The following VRK2 variants were observed in gnomAD, a reference collection of about 807,000 sequenced individuals.
The protein encoded by VRK2 is serine/threonine-protein kinase VRK2.
A neutral mutation model predicts 57.6 loss-of-function variants in VRK2; 60 were observed. The observed-to-expected ratio is 1.04, with a 90% confidence interval of 0.85 to 1.29. The LOEUF is 1.29. Ranked by LOEUF, VRK2 falls within the 50% of genes most tolerant of loss-of-function variation. VRK2 has a pLI of 0.00. For synonymous variants in VRK2, 231 were observed against 199.2 expected (o/e 1.16, Z -1.35); for missense variants, 705 against 588.1 (o/e 1.20, Z -2.06).
intron 1 of VRK2, among the ~76,000 whole-genome samples, chr2:57,932,496 G>A (rs564867357): frequency 5.3e-5 from 8 of 152,106 alleles, no homozygotes; most frequent in South Asian, 2.1e-4. Flanking sequence ...ATAATCATGC[G>A]AAGGAGTTTC....
chr2:58,112,694 G>A (rs1386344738), intron 7 of VRK2, among the ~76,000 whole-genome samples: 1 of 152,176 alleles, frequency 6.6e-6, no homozygotes, highest in African/African-American at 2.4e-5. Flanking sequence ...ATGGAAGAGG[G>A]AAGTGGGGAA....
chr2:58,159,348 G>A lies in VRK2; in HGVS notation c.1183-1G>A, dbSNP rs1276164451. The A allele has an allele frequency of 1.3e-6, 2 of 1,590,854 alleles. No homozygotes were observed. Among genetic ancestry groups the A allele is most frequent in the Non-Finnish European group, 1.7e-6 (2 of 1,172,048 alleles). On this transcript the variant is annotated splice_acceptor_variant, in intron 12 of 12. Transcript: ENST00000340157. LOFTEE classifies it high-confidence loss of function. ...AAACTATATATGTATTTTTTCCATA[G>A]GAAAGCACAAGGAGAAGACAGAAAT...
chr2:58,137,892 A>C (rs776219163), intron 10 of VRK2, among the ~76,000 whole-genome samples: 27 of 152,188 alleles, frequency 1.8e-4, no homozygotes, highest in Non-Finnish European at 2.5e-4. Flanking sequence ...CTAACATTTA[A>C]ACCAGTATTA....
At position 57,958,608 on chromosome 2, in the gene VRK2, GTTTA is replaced by G. The variant is rs539277190; in HGVS notation, c.-439+50773_-439+50776del. 6.3e-4 allele frequency among the ~76,000 whole-genome samples: 95 copies of G among 151,916 alleles called. 1 individual carries two copies. Among genetic ancestry groups the G allele is most frequent in the Admixed American group, 3.7e-3 (56 of 15,242 alleles). ...ATTTTTATTTTTCCCTCATTTTGAT[GTTTA>G]TTTGATATTTGAGTACATTAAATTT... is the stretch of plus-strand genomic sequence containing the variant. On this transcript the variant is annotated intron_variant, in intron 1 of 15. Transcript: ENST00000417641.
At position 58,159,649 on chromosome 2, in the gene VRK2, C is replaced by A; in HGVS notation, c.1483C>A (p.Pro495Thr). 1 of 1,613,646 alleles carries A rather than the reference C, an allele frequency of 6.2e-7. No individual in the cohort carries two copies. The highest frequency in any genetic ancestry group is 1.1e-5 in the South Asian group (1 of 91,044). The change falls in exon 13 of 13, where the codon CCT becomes ACT. Residue 495 changes from proline to threonine, a missense_variant. By Grantham distance (38) the Pro-to-Thr change is conservative. Coordinates refer to ENST00000340157, the MANE Select transcript of VRK2 (RefSeq NM_006296.7). ...TGTTTATTATTATCGCATCATCATA[C>A]CTGTCCTTTTGATGTTAGTATTTCT... ...ADVYYYRIII[P>T]VLLMLVFLAL...
At chr2:58,020,609 C>T (rs980680384) in intron 1 of VRK2, among the ~76,000 whole-genome samples, 2 of 152,216 alleles carry the variant, frequency 1.3e-5, no homozygotes, top group East Asian at 3.8e-4. Context: ...TGTACATAAA[C>T]ATTTGCATGT....
chr2:58,027,167 T>G (rs1292468767), intron 2 of VRK2, among the ~76,000 whole-genome samples: 1 of 152,052 alleles, frequency 6.6e-6, no homozygotes, highest in African/African-American at 2.4e-5. Flanking sequence ...TTCCTAATAA[T>G]CTAGTGTTCC....
chr2:57,946,982 A>C (rs1671281655), intron 1 of VRK2, among the ~76,000 whole-genome samples: 1 of 152,280 alleles, frequency 6.6e-6, no homozygotes. Context: ...TGCCAAAAAA[A>C]ATTTTTTGTC....
At chr2:57,909,129 C>G (rs1400505509) in intron 1 of VRK2, among the ~76,000 whole-genome samples, 2 of 152,156 alleles carry the variant, frequency 1.3e-5, no homozygotes, top group African/African-American at 4.8e-5. Flanking sequence ...TTTGGAGCTT[C>G]CTGATTCTCA....
At chr2:58,062,253 T>G (rs189667063) in intron 2 of VRK2, among the ~76,000 whole-genome samples, 2 of 152,150 alleles carry the variant, frequency 1.3e-5, no homozygotes, top group Admixed American at 6.6e-5. Flanking sequence ...TTGGTAAATG[T>G]AGCACATGGC....
chr2:58,002,966 A>C (rs181342213), intron 1 of VRK2, among the ~76,000 whole-genome samples: 2 of 152,356 alleles, frequency 1.3e-5, no homozygotes, highest in Admixed American at 1.3e-4. Context: ...CATGCCACTT[A>C]TATACAATAG....
intron 1 of VRK2, among the ~76,000 whole-genome samples, chr2:57,958,412 T>C (rs548259847): frequency 1.3e-5 from 2 of 149,222 alleles, no homozygotes; most frequent in Non-Finnish European, 3.0e-5. Context: ...TGTGTGTATG[T>C]GTGTGTGTGT....
intron 1 of VRK2, among the ~76,000 whole-genome samples, chr2:57,987,713 G>T (rs1170053005): frequency 6.6e-6 from 1 of 151,894 alleles, no homozygotes; most frequent in Non-Finnish European, 1.5e-5. Flanking sequence ...AATATTTGTA[G>T]TATATTTATT....
intron 1 of VRK2, among the ~76,000 whole-genome samples, chr2:57,968,659 A>G (rs919550228): frequency 6.6e-6 from 1 of 152,120 alleles, no homozygotes; most frequent in Non-Finnish European, 1.5e-5. Context: ...TTTTTCACAC[A>G]CGGAAAAATA....
chr2:57,992,955 A>T (rs148472113), intron 1 of VRK2, among the ~76,000 whole-genome samples: 1 of 152,156 alleles, frequency 6.6e-6, no homozygotes, highest in Non-Finnish European at 1.5e-5. Context: ...TCTGACACCA[A>T]TTCTCTTGGG....
intron 4 of VRK2, 83 bp downstream of exon 4, chr2:58,085,033 T>C: frequency 7.9e-7 from 1 of 1,264,738 alleles, no homozygotes; most frequent in Non-Finnish European, 1.1e-6. Context: ...TTTCTGGCCT[T>C]CTGGAAAATT....
chr2:57,921,304 A>ACT (rs2103906764), intron 1 of VRK2, among the ~76,000 whole-genome samples: 1 of 151,734 alleles, frequency 6.6e-6, no homozygotes, highest in African/African-American at 2.4e-5. Context: ...ACACACACAC[A>ACT]CACACACTCA....
intron 1 of VRK2, among the ~76,000 whole-genome samples, chr2:58,004,168 G>A (rs560719172): frequency 8.7e-4 from 132 of 151,122 alleles, no homozygotes; most frequent in Admixed American, 1.5e-3. Context: ...TTTCTTTCAC[G>A]CATACATACA....
At chr2:58,088,294 G>C (rs779915013) in intron 5 of VRK2, 47 bp from the exon 6 acceptor site, 1 of 1,330,546 alleles carries the variant, frequency 7.5e-7, no homozygotes, top group Non-Finnish European at 1.1e-6. Context: ...ACAGTTTCAA[G>C]CATTACTTTC....
Sources: gnomAD v4.1 joint callset for allele counts (sites outside exome capture counted in the v4.1 genomes callset) on GRCh38, gnomAD v4.1.1 for gene constraint, MANE v1.5 for transcripts, NCBI Gene and HGNC (gene_info 2026-07-23, HGNC 2026-07-21) for gene names.